Variants in MYO9A observed in about 807,000 individuals in gnomAD.
The protein encoded by MYO9A is myosin IXA.
In MYO9A, 103 loss-of-function variants were observed where a neutral mutation model predicts 293.3. The ratio of observed to expected loss-of-function variants is 0.35; its 90% CI spans 0.30 to 0.41. The LOEUF is 0.41. Ranked by LOEUF, MYO9A falls within the 10% of genes least tolerant of loss-of-function variation. The pLI, the probability that MYO9A is intolerant of heterozygous loss-of-function variation, is 1.00. For missense variants in MYO9A, 2,685 were observed against 3,033.0 expected, an observed-to-expected ratio of 0.89 and a Z score of 2.69; for synonymous variants, 1,001 against 1,035.7, an observed-to-expected ratio of 0.97 and a Z score of 0.64.
chr15:72,103,047 T>C (rs2080413602), intron 1 of MYO9A, among the ~76,000 whole-genome samples: 1 of 1,508 alleles, frequency 6.6e-4, no homozygotes, highest in South Asian at 0.033. Context: ...AGTGGTGCGA[T>C]CTCTGTTCAC....
intron 31 of MYO9A, 69 bp from the exon 32 acceptor site, chr15:71,875,907 C>G: frequency 2.3e-6 from 2 of 887,536 alleles, no homozygotes; most frequent in Non-Finnish European, 3.1e-6. Flanking sequence ...TACTTCATTG[C>G]AAATGTTAAG....
chr15:72,004,856 C>T (rs1201144137), intron 8 of MYO9A, among the ~76,000 whole-genome samples: 1 of 152,054 alleles, frequency 6.6e-6, no homozygotes, highest in Non-Finnish European at 1.5e-5. Flanking sequence ...AAAGTTAAAC[C>T]ACTACTTTAA....
At chr15:71,899,622 G>T in intron 24 of MYO9A, 65 bp downstream of exon 24, 1 of 1,345,112 alleles carries the variant, frequency 7.4e-7, no homozygotes, top group Non-Finnish European at 1.0e-6. Flanking sequence ...AAGTGTTAAT[G>T]CAGAGGTATA....
chr15:71,970,090 G>A (rs1004999456), intron 12 of MYO9A, among the ~76,000 whole-genome samples: 5 of 152,078 alleles, frequency 3.3e-5, no homozygotes, highest in East Asian at 1.9e-4. Flanking sequence ...TCCTAACTTC[G>A]GTTGTTAAAA....
intron 26 of MYO9A, chr15:71,891,356 G>A (rs1201042246): frequency 6.6e-6 from 1 of 152,160 alleles, no homozygotes; most frequent in Non-Finnish European, 1.5e-5. Flanking sequence ...AAAGTTCCCA[G>A]TGTAAAAGAA....
Position 71,823,484 on chromosome 15 carries a change from T to C in MYO9A, c.*3096A>G, listed in dbSNP as rs1237798836. On this transcript the variant is annotated 3_prime_UTR_variant, in exon 42 of 42. Coordinates refer to ENST00000356056, the MANE Select transcript of MYO9A (RefSeq NM_006901.4). Reference sequence around the variant, plus strand: ...CTTTTGTCTCTCTCTGCAAGGCTCATAGTTGGAGGGCTGTATCTCCCTTTG... The same window carrying C: ...CTTTTGTCTCTCTCTGCAAGGCTCACAGTTGGAGGGCTGTATCTCCCTTTG... 1 of 152,242 alleles carries C rather than the reference T, an allele frequency of 6.6e-6. No homozygotes were observed. The highest frequency in any genetic ancestry group is 1.5e-5 in the Non-Finnish European group (1 of 68,042). 9.4% of individuals were successfully genotyped at this position (152,242 alleles called of 1,614,324 possible).
intron 40 of MYO9A, 35 bp downstream of exon 40, chr15:71,830,074 T>C: frequency 1.3e-6 from 2 of 1,598,184 alleles, no homozygotes; most frequent in Non-Finnish European, 1.7e-6. Context: ...AAAAACAGAC[T>C]ATAACTGTCT....
intron 19 of MYO9A, among the ~76,000 whole-genome samples, chr15:71,905,594 T>C (rs1272511683): frequency 6.6e-6 from 1 of 151,920 alleles, no homozygotes; most frequent in Non-Finnish European, 1.5e-5. Context: ...GAGACCAGCC[T>C]GGCCAACATG....
intron 1 of MYO9A, among the ~76,000 whole-genome samples, chr15:72,094,518 ATTTATT>A (rs1391703799): frequency 1.1e-5 from 1 of 90,424 alleles, no homozygotes; most frequent in African/African-American, 2.6e-5. Context: ...TTATGTATTT[ATTTATT>A]TTTAGAGACA....
rs1162065702 is a variant in MYO9A, at chr15:71,904,017, A to T, written c.2789T>A (p.Val930Asp). 3.7e-6 allele frequency: 6 copies of T among 1,613,908 alleles called. No individual in the cohort carries two copies. The Admixed American group carries it at 1.0e-4, about 27-fold the overall frequency. Residue 930 changes from valine to aspartate, a missense_variant, in exon 21 of 42, where the codon GTC becomes GAC. Physicochemically the swap from Val to Asp is radical, Grantham distance 152. Transcript: ENST00000356056. The part of the protein sequence containing the change: ...AEKLPLRFSD[V>D]LVLRQLRYTG... ...GTATCGAAGCTGTCTAAGTACCAAG[A>T]CATCACTGAACCTTAAGGGCAGCTA...
At chr15:72,009,367 A>C (rs1347291662) in intron 7 of MYO9A, among the ~76,000 whole-genome samples, 1 of 152,166 alleles carries the variant, frequency 6.6e-6, no homozygotes, top group Non-Finnish European at 1.5e-5. Context: ...GCAAGCAAAC[A>C]AGAAAACAGG....
In MYO9A at chr15:71,910,168, G is replaced by GTGTATATATATATATATATATATATA. The variant is rs56277057; in HGVS notation, c.2686-5163_2686-5162insTATATATATATATATATATATATACA. Among the ~76,000 whole-genome samples the GTGTATATATATATATATATATATATA allele has an allele frequency of 2.4e-4, 31 of 128,312 alleles. No homozygotes were observed. The East Asian group carries it at 4.2e-3, about 17-fold the overall frequency. 84.2% of individuals were successfully genotyped at this position (128,312 alleles called of 152,430 possible). On this transcript the variant is annotated intron_variant, in intron 19 of 41. Transcript: ENST00000356056. The stretch of plus-strand genomic sequence containing the variant: ...CGTGTGTGTGTATATATATATACGT[G>GTGTATATATATATATATATATATATA]TATATATATATATAAAATCAGAAAC...
In MYO9A at chr15:71,968,143, G is replaced by A. The variant is rs2075922937; in HGVS notation, c.1845-18C>T. 5 of 1,525,510 alleles carry A rather than the reference G, an allele frequency of 3.3e-6. No individual in the cohort carries two copies. Among genetic ancestry groups the A allele is most frequent in the South Asian group, 1.2e-5 (1 of 80,104 alleles). The allele number at this position is 1,525,510 out of a possible 1,614,324, so 94.5% of individuals were successfully genotyped here. A position where few individuals can be genotyped will look rare whatever the true frequency, so the allele number is the denominator to read the frequency against. On this transcript the variant is annotated intron_variant, in intron 12 of 41. Transcript: ENST00000356056. Reference sequence around the variant, plus strand: ...GTGGAAAGCTGAATTAAAAAAAAAAGAAAAAATATCATTACAGAAAGATGA... The same window carrying A: ...GTGGAAAGCTGAATTAAAAAAAAAAAAAAAAATATCATTACAGAAAGATGA...
chr15:72,088,043 G>GAT (rs1477977710), intron 1 of MYO9A, among the ~76,000 whole-genome samples: 2 of 152,148 alleles, frequency 1.3e-5, no homozygotes, highest in Non-Finnish European at 2.9e-5. Context: ...TACAAAAAAA[G>GAT]GTCATGGAAG....
chr15:72,044,937 C>A (rs1054445999), intron 2 of MYO9A, among the ~76,000 whole-genome samples: 2 of 152,108 alleles, frequency 1.3e-5, no homozygotes, highest in Non-Finnish European at 2.9e-5. Flanking sequence ...TTACCACTGT[C>A]ACACTCTTCA....
intron 18 of MYO9A, among the ~76,000 whole-genome samples, chr15:71,931,283 G>A (rs746985437): frequency 4.9e-4 from 75 of 152,294 alleles, no homozygotes; most frequent in Admixed American, 1.1e-3. Context: ...TTGTAAGTCA[G>A]GTCTAGCAGT....
intron 1 of MYO9A, among the ~76,000 whole-genome samples, chr15:72,099,113 G>C (rs1219863697): frequency 6.6e-6 from 1 of 152,116 alleles, no homozygotes; most frequent in East Asian, 1.9e-4. Flanking sequence ...TGGCAACACA[G>C]CCAAGACCTC....
rs1231423660 is a variant in MYO9A, at chr15:71,826,167, C to CT, written c.*412dup. 1 of 158,372 alleles carries CT rather than the reference C, an allele frequency of 6.3e-6. No homozygotes were observed. The highest frequency in any genetic ancestry group is 2.4e-5 in the African/African-American group (1 of 41,578). The allele number at this position is 158,372 out of a possible 1,614,324, so 9.8% of individuals were successfully genotyped here. A position where few individuals can be genotyped will look rare whatever the true frequency, so the allele number is the denominator to read the frequency against. On this transcript the variant is annotated 3_prime_UTR_variant, in exon 42 of 42. Transcript: ENST00000356056. The stretch of plus-strand genomic sequence containing the variant: ...AACTATCCCAAAATAAACCCAAAGG[C>CT]TTTTGCTTTCACGGTTAAGAAAGAT...
chr15:71,997,473 G>T (rs752631609), intron 9 of MYO9A, among the ~76,000 whole-genome samples: 1 of 152,078 alleles, frequency 6.6e-6, no homozygotes, highest in South Asian at 2.1e-4. Flanking sequence ...GGTGGCGGGC[G>T]CCTGTAATCC....
Sources: allele counts gnomAD v4.1 joint callset (sites outside exome capture counted in the v4.1 genomes callset), GRCh38; gene constraint gnomAD v4.1.1; transcripts MANE v1.5; gene names NCBI Gene and HGNC (gene_info 2026-07-23, HGNC 2026-07-21).